The following ATP9A variants were observed in gnomAD, a reference collection of about 807,000 sequenced individuals.
The protein encoded by ATP9A is probable phospholipid-transporting ATPase IIA.
A neutral mutation model predicts 144.1 loss-of-function variants in ATP9A; 52 were observed. That is an observed-to-expected ratio of 0.36 (90% CI 0.29 to 0.45). The LOEUF is 0.45. ATP9A is among the 20% of genes least tolerant of loss of function. The pLI is 1.00. For missense variants in ATP9A, 947 were observed against 1,392.7 expected (o/e 0.68, Z 5.09); for synonymous variants, 582 against 557.4 (o/e 1.04, Z -0.62).
At chr20:51,709,415 TC>T (rs2077628166) in intron 4 of ATP9A, among the ~76,000 whole-genome samples, 1 of 151,972 alleles carries the variant, frequency 6.6e-6, no homozygotes, top group Non-Finnish European at 1.5e-5. Flanking sequence ...CTCGGGAGGC[TC>T]GGGCAGGAGA....
chr20:51,668,841 T>C (rs1487309295), intron 13 of ATP9A, among the ~76,000 whole-genome samples: 1 of 152,154 alleles, frequency 6.6e-6, no homozygotes, highest in Non-Finnish European at 1.5e-5. Context: ...TGTCCCCTGC[T>C]CTGCCATTTT....
intron 4 of ATP9A, among the ~76,000 whole-genome samples, chr20:51,706,074 T>C (rs1188504068): frequency 6.6e-6 from 1 of 152,214 alleles, no homozygotes; most frequent in Non-Finnish European, 1.5e-5. Flanking sequence ...TTTCAACAGT[T>C]TGTCCATCTG....
At chr20:51,658,377 G>A (rs1300325508) in intron 13 of ATP9A, among the ~76,000 whole-genome samples, 1 of 152,112 alleles carries the variant, frequency 6.6e-6, no homozygotes, top group South Asian at 2.1e-4. Context: ...GAGTGAACTA[G>A]AGGTGGTTTT....
chr20:51,606,214 G>A (rs2122706437), intron 26 of ATP9A, among the ~76,000 whole-genome samples: 1 of 152,106 alleles, frequency 6.6e-6, no homozygotes, highest in Admixed American at 6.5e-5. Flanking sequence ...CCAAAATGGC[G>A]CCACTGCACT....
chr20:51,626,694 A>G (rs1324623405), intron 17 of ATP9A, among the ~76,000 whole-genome samples: 1 of 151,708 alleles, frequency 6.6e-6, no homozygotes, highest in Non-Finnish European at 1.5e-5. Context: ...GCTCCAAGAG[A>G]ATGATTTATG....
intron 14 of ATP9A, among the ~76,000 whole-genome samples, chr20:51,652,203 G>A (rs2077369389): frequency 6.6e-6 from 1 of 152,208 alleles, no homozygotes; most frequent in African/African-American, 2.4e-5. Context: ...GCTCCTCCGG[G>A]TCCGACTGTA....
At chr20:51,623,813 G>GAAAGA (rs1396662069) in intron 18 of ATP9A, among the ~76,000 whole-genome samples, 3 of 147,486 alleles carry the variant, frequency 2.0e-5, no homozygotes, top group African/African-American at 7.5e-5. Context: ...AAGAAAGAAA[G>GAAAGA]AAAGAAAAGA....
intron 7 of ATP9A, among the ~76,000 whole-genome samples, chr20:51,693,803 G>A (rs990695946): frequency 3.9e-5 from 6 of 152,048 alleles, no homozygotes; most frequent in African/African-American, 1.4e-4. Context: ...TTAGCTTCCC[G>A]CAGGAGAGCT....
chr20:51,703,983 T>C (rs1410556515), intron 4 of ATP9A, among the ~76,000 whole-genome samples: 3 of 152,144 alleles, frequency 2.0e-5, no homozygotes, highest in Admixed American at 6.6e-5. Flanking sequence ...GTACATTTCC[T>C]GAGGTTGACA....
chr20:51,638,837 A>T (rs1320111202), intron 15 of ATP9A, among the ~76,000 whole-genome samples: 4 of 152,202 alleles, frequency 2.6e-5, no homozygotes, highest in Admixed American at 2.6e-4. Flanking sequence ...AAGAGCCAGT[A>T]GAAAAACAAC....
chr20:51,668,104 GAA>G (rs1157186702), intron 13 of ATP9A, among the ~76,000 whole-genome samples: 17 of 19,144 alleles, frequency 8.9e-4, no homozygotes, highest in East Asian at 6.8e-3. Flanking sequence ...GGGGGGGGCG[GAA>G]GGGCTGGGAG....
intron 13 of ATP9A, among the ~76,000 whole-genome samples, chr20:51,666,938 C>T (rs552904676): frequency 6.6e-6 from 1 of 152,326 alleles, no homozygotes; most frequent in Non-Finnish European, 1.5e-5. Context: ...TCCCATCACA[C>T]ACGTGGTCCT....
chr20:51,621,835 AAG>A (rs2077228137), intron 19 of ATP9A, among the ~76,000 whole-genome samples: 1 of 152,152 alleles, frequency 6.6e-6, no homozygotes, highest in African/African-American at 2.4e-5. Flanking sequence ...CCAAAAGGTT[AAG>A]AGCATGGCAT....
rs918197495 is a variant in ATP9A at position 51,763,523 on chromosome 20, C to T, written c.68+4779G>A. 2.0e-5 allele frequency among the ~76,000 whole-genome samples: 3 copies of T among 151,770 alleles called. No individual in the cohort carries two copies. In the East Asian group the frequency reaches 5.8e-4, roughly 29 times the overall value. ...GAGATGGGGTTTCACTTGTGTTAGC[C>T]AGGATGGTCTGGATCTCCTGACCTC... is the stretch of plus-strand genomic sequence containing the variant. On this transcript the variant is annotated intron_variant, in intron 1 of 27. Coordinates refer to ENST00000338821, the MANE Select transcript of ATP9A (RefSeq NM_006045.3).
rs968790161 is a variant in ATP9A, at chr20:51,744,050, A to G, written c.69-14072T>C. ...TTTCCAGATGAAAAAGGAAAATATG[A>G]AATAACTTTCTCACCCATTGATAAC... is the stretch of plus-strand genomic sequence containing the variant. On this transcript the variant is annotated intron_variant, in intron 1 of 27. Coordinates refer to ENST00000338821, the MANE Select transcript of ATP9A (RefSeq NM_006045.3). Among the ~76,000 whole-genome samples the G allele has an allele frequency of 3.3e-5, 5 of 152,154 alleles. No homozygotes were observed. In the South Asian group the frequency reaches 1.0e-3, roughly 32 times the overall value.
At position 51,676,192 on chromosome 20, in the gene ATP9A, A is replaced by G; in HGVS notation, c.816T>C (p.Val272=). 6.2e-7 allele frequency: 1 copy of G among 1,610,710 alleles called. No individual in the cohort carries two copies. The highest frequency in any genetic ancestry group is 1.3e-5 in the African/African-American group (1 of 74,458). Residue 272 remains valine, a synonymous_variant, in exon 10 of 28, where the codon GTT becomes GTC. Coordinates refer to ENST00000338821, the MANE Select transcript of ATP9A (RefSeq NM_006045.3). ...TVVASGTVVG[V]VLYTGRELRS... ...GGAGTTCTCTGCCAGTGTAAAGAAC[A>G]ACACCCACAACAGTACCTAAAATGG...
chr20:51,653,988 C>G (rs2077377406), intron 14 of ATP9A, among the ~76,000 whole-genome samples: 1 of 152,092 alleles, frequency 6.6e-6, no homozygotes. Context: ...GAAAAACAGA[C>G]TAAACCTGCC....
At chr20:51,723,172 T>C (rs1016613703) in intron 3 of ATP9A, among the ~76,000 whole-genome samples, 48 of 152,124 alleles carry the variant, frequency 3.2e-4, no homozygotes, top group African/African-American at 1.1e-3. Flanking sequence ...ACATCATATG[T>C]TTTCACTAAT....
intron 2 of ATP9A, among the ~76,000 whole-genome samples, chr20:51,727,220 A>G (rs1222327432): frequency 6.6e-6 from 1 of 151,570 alleles, no homozygotes; most frequent in Non-Finnish European, 1.5e-5. Flanking sequence ...CGTTGCAGTG[A>G]GCTGAGATCG....
Sources: gnomAD v4.1 joint callset for allele counts (sites outside exome capture counted in the v4.1 genomes callset) on GRCh38, gnomAD v4.1.1 for gene constraint, MANE v1.5 for transcripts, NCBI Gene and HGNC (gene_info 2026-07-23, HGNC 2026-07-21) for gene names.